The following XIRP2 variants were observed in gnomAD, a reference collection of about 807,000 sequenced individuals.
XIRP2 encodes the protein xin actin-binding repeat-containing protein 2.
XIRP2 carries 236 observed loss-of-function variants against 277.0 expected under a neutral mutation model. The observed-to-expected ratio is 0.85, with a 90% CI of 0.77 to 0.95. The LOEUF (loss-of-function observed/expected upper bound fraction) is 0.95, where lower values mean the gene tolerates loss of function less well. Ranked by LOEUF, XIRP2 falls within the 40% of genes least tolerant of loss-of-function variation. The probability of loss-of-function intolerance (pLI) is 0.00; values close to 1 mark genes in which losing one functional copy is unlikely to be tolerated. For synonymous variants in XIRP2, 1,490 were observed against 1,416.5 expected (o/e 1.05, Z -1.17); for missense variants, 4,640 against 4,157.5 (o/e 1.12, Z -3.19).
At chr2:167,240,059 T>C (rs576958498) in intron 6 of XIRP2, 94 bp downstream of exon 6, 55 of 1,081,130 alleles carry the variant, frequency 5.1e-5, no homozygotes, top group Admixed American at 4.9e-4. Context: ...TTGTCACTCA[T>C]GTATCTAGTA....
chr2:166,926,325 A>G (rs1245173255), intron 2 of XIRP2, among the ~76,000 whole-genome samples: 1 of 152,090 alleles, frequency 6.6e-6, no homozygotes, highest in Non-Finnish European at 1.5e-5. Flanking sequence ...TTATTGAAAT[A>G]TGACCAAAAC....
Position 167,243,823 on chromosome 2 carries a change from T to C in XIRP2, c.2431T>C (p.Leu811=). 6.2e-7 allele frequency: 1 copy of C among 1,613,884 alleles called. No homozygotes were observed. Among genetic ancestry groups the C allele is most frequent in the Middle Eastern group, 1.7e-4 (1 of 6,060 alleles). ...VKGGVSKAKW[L]FETQPLEKIK... ...AGGTGGGGTGAGTAAGGCAAAGTGG[T>C]TATTTGAAACCCAACCTTTGGAGAA... The change falls in exon 9 of 11, where the codon TTA becomes CTA. Residue 811 remains leucine, a synonymous_variant. Coordinates refer to ENST00000409195, the MANE Select transcript of XIRP2 (RefSeq NM_152381.6).
chr2:167,147,863 GAACT>G (rs1217059345), intron 3 of XIRP2, among the ~76,000 whole-genome samples: 1 of 152,038 alleles, frequency 6.6e-6, no homozygotes, highest in African/African-American at 2.4e-5. Context: ...AAACAAATTG[GAACT>G]AAAATATCAA....
intron 3 of XIRP2, among the ~76,000 whole-genome samples, chr2:167,136,636 ATAT>A (rs886926681): frequency 6.6e-6 from 1 of 152,190 alleles, no homozygotes; most frequent in African/African-American, 2.4e-5. Context: ...CACACTATTA[ATAT>A]TATTTTCAAC....
intron 3 of XIRP2, among the ~76,000 whole-genome samples, chr2:167,155,359 C>T (rs1692155009): frequency 6.6e-6 from 1 of 151,658 alleles, no homozygotes; most frequent in Admixed American, 6.6e-5. Flanking sequence ...AAAATACTGG[C>T]AAACCGAATC....
chr2:167,136,159 G>T, intron 3 of XIRP2, 97 bp downstream of exon 3: 1 of 1,262,888 alleles, frequency 7.9e-7, no homozygotes, highest in South Asian at 2.2e-5. Context: ...TTAAAAATTA[G>T]TAAGGAAAAT....
intron 2 of XIRP2, among the ~76,000 whole-genome samples, chr2:167,079,345 CA>C (rs575268819): frequency 6.6e-6 from 1 of 152,078 alleles, no homozygotes; most frequent in Admixed American, 6.5e-5. Flanking sequence ...ATACTGGCTT[CA>C]AAAAATGAGT....
intron 2 of XIRP2, among the ~76,000 whole-genome samples, chr2:167,066,947 T>A (rs1689316701): frequency 6.6e-6 from 1 of 152,118 alleles, no homozygotes; most frequent in South Asian, 2.1e-4. Flanking sequence ...ATAACACATC[T>A]TTTTTCCTTT....
At position 167,095,851 on chromosome 2, in the gene XIRP2, C is replaced by CT. The variant is rs60405920; in HGVS notation, c.409-40018dup. On this transcript the variant is annotated intron_variant, in intron 2 of 10. Transcript: ENST00000409195. ...TAAAAATGATTTAGGAGGCGTCACT[C>CT]TTTTTTTTTTTTTTTTTTTTTTTTT... Among the ~76,000 whole-genome samples, 392 of 47,304 alleles carry CT rather than the reference C, an allele frequency of 8.3e-3. 137 individuals carry two copies. The highest frequency in any genetic ancestry group is 0.014 in the Non-Finnish European group (294 of 20,634). 31.0% of individuals were successfully genotyped at this position (47,304 alleles called of 152,430 possible).
intron 5 of XIRP2, among the ~76,000 whole-genome samples, chr2:167,223,975 A>T (rs563112015): frequency 6.6e-6 from 1 of 152,290 alleles, no homozygotes; most frequent in South Asian, 2.1e-4. Flanking sequence ...AGACTGGTTA[A>T]TTTGTTATAA....
intron 2 of XIRP2, among the ~76,000 whole-genome samples, chr2:166,921,022 A>C (rs895199029): frequency 6.6e-6 from 1 of 152,140 alleles, no homozygotes; most frequent in Non-Finnish European, 1.5e-5. Context: ...TTTTTACACT[A>C]ACAAGAAGTT....
intron 3 of XIRP2, among the ~76,000 whole-genome samples, chr2:167,171,505 A>G (rs187619990): frequency 4.6e-5 from 7 of 152,196 alleles, no homozygotes; most frequent in Admixed American, 2.6e-4. Flanking sequence ...AATAATAATT[A>G]TTTTATGTTC....
chr2:167,245,855 A>T lies in XIRP2; in HGVS notation c.4463A>T (p.Lys1488Met). The T allele has an allele frequency of 6.2e-7, 1 of 1,613,802 alleles. No homozygotes were observed. The highest frequency in any genetic ancestry group is 8.5e-7 in the Non-Finnish European group (1 of 1,179,798). Reference protein sequence around the residue: ...TQEDVQKGDVKQAVWLFENRT... With the variant: ...TQEDVQKGDVMQAVWLFENRT... ...GAAGATGTGCAGAAAGGTGATGTTA[A>T]GCAGGCTGTGTGGCTTTTTGAAAAT... The change falls in exon 9 of 11, where the codon AAG (lysine) becomes ATG (methionine). Residue 1488 changes from lysine (K) to methionine (M), a missense_variant. Physicochemically the swap from Lys to Met is moderately conservative, Grantham distance 95. Transcript: ENST00000409195.
intron 2 of XIRP2, among the ~76,000 whole-genome samples, chr2:167,028,170 T>A (rs1688228088): frequency 6.6e-6 from 1 of 152,124 alleles, no homozygotes; most frequent in Admixed American, 6.6e-5. Context: ...AAGAAAATAT[T>A]TACTCTAAGC....
chr2:166,939,443 G>A (rs1197945205), intron 2 of XIRP2, among the ~76,000 whole-genome samples: 3 of 151,976 alleles, frequency 2.0e-5, no homozygotes, highest in Non-Finnish European at 4.4e-5. Context: ...CACTTTGGGA[G>A]GCTGAGGCGG....
chr2:167,023,158 G>C (rs1688034741), intron 2 of XIRP2, among the ~76,000 whole-genome samples: 1 of 152,186 alleles, frequency 6.6e-6, no homozygotes, highest in South Asian at 2.1e-4. Context: ...TAACTGGTGT[G>C]AGATGGTATC....
intron 2 of XIRP2, among the ~76,000 whole-genome samples, chr2:167,075,498 T>C (rs138248450): frequency 5.3e-5 from 8 of 152,350 alleles, no homozygotes; most frequent in African/African-American, 1.7e-4. Context: ...TCATCATTTC[T>C]CAGCAATAGC....
At chr2:167,142,975 A>G (rs930424152) in intron 3 of XIRP2, among the ~76,000 whole-genome samples, 4 of 152,148 alleles carry the variant, frequency 2.6e-5, no homozygotes, top group African/African-American at 9.7e-5. Flanking sequence ...AGAGAAAAAG[A>G]TGGAGAGAGG....
intron 2 of XIRP2, among the ~76,000 whole-genome samples, chr2:166,929,092 T>A (rs1255128910): frequency 6.6e-6 from 1 of 152,034 alleles, no homozygotes; most frequent in South Asian, 2.1e-4. Context: ...CACCTGTGAA[T>A]TTTTTAGAAA....
Sources: allele counts gnomAD v4.1 joint callset (sites outside exome capture counted in the v4.1 genomes callset), GRCh38; gene constraint gnomAD v4.1.1; transcripts MANE v1.5; gene names NCBI Gene and HGNC (gene_info 2026-07-23, HGNC 2026-07-21).